NUGGC: variants seen among roughly 807,000 people sequenced by gnomAD.
NUGGC encodes the protein nuclear GTPase, germinal center associated.
In NUGGC, 58 loss-of-function variants were observed where a neutral mutation model predicts 92.6. The ratio of observed to expected loss-of-function variants is 0.63; its 90% CI spans 0.51 to 0.78. NUGGC has a LOEUF of 0.78. Among genes scored for constraint, NUGGC ranks in the 30% least tolerant of loss-of-function variants. The pLI, the probability that NUGGC is intolerant of heterozygous loss-of-function variation, is 0.00. For missense variants in NUGGC, 925 were observed against 964.6 expected (o/e 0.96, Z 0.54); for synonymous variants, 376 against 366.4 (o/e 1.03, Z -0.30).
intron 4 of NUGGC, 68 bp downstream of exon 4, chr8:28,069,476 A>G (rs1810530865): frequency 1.3e-6 from 1 of 757,408 alleles, no homozygotes; most frequent in African/African-American, 1.7e-5. Context: ...TTGTTGGGGG[A>G]AAGCACCTAT....
At chr8:28,055,863 A>C (rs1810120054) in intron 10 of NUGGC, 102 bp downstream of exon 10, 1 of 632,158 alleles carries the variant, frequency 1.6e-6, no homozygotes, top group Non-Finnish European at 2.8e-6. Flanking sequence ...GTCTATTCCA[A>C]AACTTTGGCC....
intron 17 of NUGGC, 90 bp downstream of exon 17, chr8:28,029,176 G>A (rs1809346280): frequency 2.2e-6 from 3 of 1,346,166 alleles, no homozygotes; most frequent in Middle Eastern, 3.9e-4. Flanking sequence ...GGACCCAAAT[G>A]CCTACTATGC....
chr8:28,035,065 G>A (rs1230955222), intron 13 of NUGGC, among the ~76,000 whole-genome samples: 1 of 152,188 alleles, frequency 6.6e-6, no homozygotes, highest in Non-Finnish European at 1.5e-5. Context: ...GGGCTGATGA[G>A]ATGGGACAGT....
intron 1 of NUGGC, among the ~76,000 whole-genome samples, chr8:28,076,234 G>A (rs1810719073): frequency 6.6e-6 from 1 of 152,176 alleles, no homozygotes; most frequent in Non-Finnish European, 1.5e-5. Flanking sequence ...TAACATAATG[G>A]ATGGGAAGCT....
At chr8:28,063,611 C>A (rs1810363038) in intron 7 of NUGGC, among the ~76,000 whole-genome samples, 1 of 152,154 alleles carries the variant, frequency 6.6e-6, no homozygotes, top group Non-Finnish European at 1.5e-5. Flanking sequence ...GTTAGGAAAC[C>A]TGCTCTCCAA....
At chr8:28,051,569 C>A (rs150103633) in intron 10 of NUGGC, among the ~76,000 whole-genome samples, 1 of 152,162 alleles carries the variant, frequency 6.6e-6, no homozygotes, top group African/African-American at 2.4e-5. Flanking sequence ...CAGGTCAAAT[C>A]AGGCAGTAAA....
At chr8:28,082,277 A>C (rs1347021304) in intron 1 of NUGGC, among the ~76,000 whole-genome samples, 1 of 152,256 alleles carries the variant, frequency 6.6e-6, no homozygotes, top group African/African-American at 2.4e-5. Context: ...GGGAGGCTTT[A>C]GGATGACATG....
intron 1 of NUGGC, among the ~76,000 whole-genome samples, chr8:28,079,928 G>GTTTT (rs887208145): frequency 5.6e-5 from 6 of 106,648 alleles, no homozygotes; most frequent in Admixed American, 9.7e-5. Flanking sequence ...GTTGTTCTTT[G>GTTTT]TTTTTTTGTT....
At chr8:28,029,527 T>C in intron 16 of NUGGC, 125 bp from the exon 17 acceptor site, 1 of 1,020,916 alleles carries the variant, frequency 9.8e-7, no homozygotes. Flanking sequence ...AGTGGGCAGA[T>C]CAGCTGAGGT....
At chr8:28,054,440 C>T (rs1810082041) in intron 10 of NUGGC, among the ~76,000 whole-genome samples, 1 of 151,846 alleles carries the variant, frequency 6.6e-6, no homozygotes, top group African/African-American at 2.4e-5. Context: ...CGAGATTGCA[C>T]CACTGCACTC....
At chr8:28,031,187 C>T (rs952603766) in intron 15 of NUGGC, 56 bp downstream of exon 15, 2 of 1,602,722 alleles carry the variant, frequency 1.2e-6, no homozygotes, top group Non-Finnish European at 8.5e-7. Flanking sequence ...CAAAACTGGC[C>T]TGGGAAGAAA....
intron 11 of NUGGC, among the ~76,000 whole-genome samples, chr8:28,046,795 C>T (rs903050216): frequency 1.3e-5 from 2 of 151,514 alleles, no homozygotes; most frequent in African/African-American, 4.9e-5. Flanking sequence ...ATTCTCCTGC[C>T]TTAGCCTCCC....
In NUGGC at chr8:28,050,383, T is replaced by TAA. The variant is rs11393304; in HGVS notation, c.1207-2773_1207-2772dup. Among the ~76,000 whole-genome samples, 50 of 145,714 alleles carry TAA rather than the reference T, an allele frequency of 3.4e-4. No individual in the cohort carries two copies. The East Asian group carries it at 6.6e-3, about 19-fold the overall frequency. On this transcript the variant is annotated intron_variant, in intron 10 of 18. Coordinates refer to ENST00000413272, the MANE Select transcript of NUGGC (RefSeq NM_001010906.2). ...CTGGGCAACAAGAACAAAACTCTGT[T>TAA]AAAAAAAAAGAAAAAAGGAAAGGAA... is the stretch of plus-strand genomic sequence containing the variant.
At chr8:28,038,730 C>T (rs182768018) in intron 13 of NUGGC, among the ~76,000 whole-genome samples, 1 of 152,256 alleles carries the variant, frequency 6.6e-6, no homozygotes, top group East Asian at 1.9e-4. Flanking sequence ...ATACAAGTTG[C>T]TGCAATCGTT....
At position 28,064,021 on chromosome 8, in the gene NUGGC, A is replaced by T. The variant is rs1045147440; in HGVS notation, c.921+501T>A. Among the ~76,000 whole-genome samples, 9 of 152,132 alleles carry T rather than the reference A, an allele frequency of 5.9e-5. No homozygotes were observed. In the South Asian group the frequency reaches 1.7e-3, roughly 28 times the overall value. ...TAAAGACCCCAGAACTTTTCCAGGC[A>T]TGTCTTCCATAGTCTCCCTCCTCCA... is the stretch of plus-strand genomic sequence containing the variant. On this transcript the variant is annotated intron_variant, in intron 7 of 18. Transcript: ENST00000413272.
At chr8:28,031,161 A>C (rs1348625788) in intron 15 of NUGGC, 82 bp downstream of exon 15, 5 of 1,491,508 alleles carry the variant, frequency 3.4e-6, no homozygotes, top group Non-Finnish European at 4.7e-6. Flanking sequence ...GAACAAGGGA[A>C]CAGACAGGCA....
Position 28,069,634 on chromosome 8 carries a change from C to T in NUGGC, c.167G>A (p.Arg56Gln), listed in dbSNP as rs773223301. 18 of 1,607,458 alleles carry T rather than the reference C, an allele frequency of 1.1e-5. No individual in the cohort carries two copies. Among genetic ancestry groups the T allele is most frequent in the African/African-American group, 8.0e-5 (6 of 74,728 alleles). Residue 56 changes from arginine to glutamine, a missense_variant, in exon 4 of 19, where the codon CGG becomes CAG. Transcript: ENST00000413272. ...ALKEYEKLES[R>Q]TRRVLSNTYQ... Reference sequence around the variant, plus strand: ...AGTGTTGCTCAAAACCCTTCTGGTCCGTGATTCCAATTTTTCATCTGGAAT... The same window carrying T: ...AGTGTTGCTCAAAACCCTTCTGGTCTGTGATTCCAATTTTTCATCTGGAAT...
chr8:28,074,025 C>T (rs1473435681), intron 2 of NUGGC, among the ~76,000 whole-genome samples: 10 of 151,826 alleles, frequency 6.6e-5, no homozygotes, highest in Non-Finnish European at 1.5e-4. Context: ...TCACGAACTC[C>T]TGACGTCATG....
At chr8:28,067,070 G>A (rs115641878) in intron 6 of NUGGC, among the ~76,000 whole-genome samples, 2,220 of 152,218 alleles carry the variant, frequency 0.015, 68 homozygotes, top group African/African-American at 0.049. Context: ...CTAGCACTCC[G>A]GGAGCCATCT....
Sources: gnomAD v4.1 joint callset for allele counts (sites outside exome capture counted in the v4.1 genomes callset) on GRCh38, gnomAD v4.1.1 for gene constraint, MANE v1.5 for transcripts, NCBI Gene and HGNC (gene_info 2026-07-23, HGNC 2026-07-21) for gene names.